The following STPG1 variants were observed in gnomAD, a reference collection of about 807,000 sequenced individuals.
STPG1 encodes sperm tail PG-rich repeat containing 1.
STPG1 carries 33 observed loss-of-function variants against 40.1 expected under a neutral mutation model. The observed-to-expected ratio is 0.82, with a 90% CI of 0.62 to 1.10. STPG1 has a LOEUF of 1.10. STPG1 is among the 50% of genes least tolerant of loss of function. The pLI is 0.00. For missense variants in STPG1, 396 were observed against 415.1 expected, an observed-to-expected ratio of 0.95 and a Z score of 0.40; for synonymous variants, 150 against 155.0, an observed-to-expected ratio of 0.97 and a Z score of 0.24.
chr1:24,404,136 C>T (rs1643330470), intron 1 of STPG1, among the ~76,000 whole-genome samples: 1 of 152,064 alleles, frequency 6.6e-6, no homozygotes, highest in Non-Finnish European at 1.5e-5. Context: ...GAGTTTTTAA[C>T]AGGAACAGGT....
intron 1 of STPG1, among the ~76,000 whole-genome samples, chr1:24,401,838 G>C (rs2148712638): frequency 6.6e-6 from 1 of 152,208 alleles, no homozygotes; most frequent in South Asian, 2.1e-4. Flanking sequence ...TGGGATTACA[G>C]GCGCCCACCA....
chr1:24,387,271 T>C (rs1014296370), intron 3 of STPG1, among the ~76,000 whole-genome samples: 1 of 152,142 alleles, frequency 6.6e-6, no homozygotes, highest in Admixed American at 6.5e-5. Context: ...AGGAAGGAGA[T>C]GTATCACAAC....
rs890677007 is a variant in STPG1 at position 24,391,557 on chromosome 1, T to C, written c.189+4A>G. The C allele has an allele frequency of 6.7e-7, 1 of 1,501,276 alleles. No homozygotes were observed. Among genetic ancestry groups the C allele is most frequent in the Non-Finnish European group, 9.1e-7 (1 of 1,102,870 alleles). 93.0% of individuals were successfully genotyped at this position (1,501,276 alleles called of 1,614,324 possible). A position where few individuals can be genotyped will look rare whatever the true frequency, so the allele number is the denominator to read the frequency against. On this transcript the variant is annotated splice_donor_region_variant and intron_variant, in intron 3 of 8. Coordinates refer to ENST00000337248, the MANE Select transcript of STPG1 (RefSeq NM_001199013.2). ...CGAAAGAACCCCTGAGACAACGTCA[T>C]TACCTTCTTATGAGGAAATCTCTTG... is the stretch of plus-strand genomic sequence containing the variant.
At chr1:24,394,442 T>G (rs1642907856) in intron 2 of STPG1, among the ~76,000 whole-genome samples, 1 of 152,056 alleles carries the variant, frequency 6.6e-6, no homozygotes, top group African/African-American at 2.4e-5. Flanking sequence ...CTGGCATTGA[T>G]AAAAAATTAA....
At chr1:24,374,190 T>C (rs1238634690) in intron 5 of STPG1, among the ~76,000 whole-genome samples, 1 of 149,222 alleles carries the variant, frequency 6.7e-6, no homozygotes, top group Non-Finnish European at 1.5e-5. Flanking sequence ...CCACTTGCTG[T>C]GGAGTTCTGT....
Position 24,409,363 on chromosome 1 carries a change from A to T in STPG1, c.-69+4311T>A, listed in dbSNP as rs1446845405. ...TGACAAAGTGAGACCCTGTCTCAAA[A>T]AATAACCAAAGCAGCCACTATTCAT... On this transcript the variant is annotated intron_variant, in intron 1 of 8. Transcript: ENST00000337248. Among the ~76,000 whole-genome samples the T allele has an allele frequency of 3.3e-5, 5 of 152,312 alleles. No individual in the cohort carries two copies. In the East Asian group the frequency reaches 9.6e-4, roughly 29 times the overall value.
intron 5 of STPG1, among the ~76,000 whole-genome samples, chr1:24,374,246 TTTTTTTTTTTG>T (rs1303093811): frequency 2.9e-4 from 24 of 82,564 alleles, no homozygotes; most frequent in African/African-American, 1.5e-3. Context: ...AGGAAAGTGT[TTTTTTTTTTTG>T]TTTTTTTTTT....
At chr1:24,364,643 C>A (rs1641337714) in intron 7 of STPG1, among the ~76,000 whole-genome samples, 1 of 152,174 alleles carries the variant, frequency 6.6e-6, no homozygotes, top group South Asian at 2.1e-4. Context: ...ATCTGAGGCC[C>A]ACATGACAGT....
chr1:24,384,174 G>C (rs756204232), intron 3 of STPG1, among the ~76,000 whole-genome samples, 171 bp from the exon 4 acceptor site: 1 of 152,202 alleles, frequency 6.6e-6, no homozygotes, highest in African/African-American at 2.4e-5. Flanking sequence ...CCCGATCTTC[G>C]TCTCAGTTAC....
chr1:24,394,136 T>C (rs948621605), intron 2 of STPG1, among the ~76,000 whole-genome samples: 4 of 152,152 alleles, frequency 2.6e-5, no homozygotes, highest in Non-Finnish European at 4.4e-5. Context: ...CTGGCAGAAT[T>C]CAAGTGAGCA....
Position 24,379,791 on chromosome 1 carries a change from G to T in STPG1, c.324C>A (p.Tyr108Ter), listed in dbSNP as rs1271414615. ...CARLDTIISK[Y>*]PAANAYTIPS... Reference sequence around the variant, plus strand: ...GGATAGTGTATGCATTCGCTGCAGGGTATTTAGAAATGATGGTGTCCAATC... The same window carrying T: ...GGATAGTGTATGCATTCGCTGCAGGTTATTTAGAAATGATGGTGTCCAATC... The change falls in exon 5 of 9, where the codon TAC becomes TAA. Residue 108 changes from tyrosine to a stop codon, truncating the protein, a stop_gained. Transcript: ENST00000337248. LOFTEE classifies it high-confidence loss of function. 1.7e-5 allele frequency: 27 copies of T among 1,614,124 alleles called. No individual in the cohort carries two copies. Among genetic ancestry groups the T allele is most frequent in the Non-Finnish European group, 2.3e-5 (27 of 1,179,962 alleles).
chr1:24,378,133 C>T (rs143960448), intron 5 of STPG1, among the ~76,000 whole-genome samples: 5 of 152,254 alleles, frequency 3.3e-5, no homozygotes, highest in African/African-American at 9.6e-5. Context: ...GGAAACGTGG[C>T]TGGCCCAAAT....
At chr1:24,367,499 C>G (rs1641530779) in intron 7 of STPG1, among the ~76,000 whole-genome samples, 1 of 152,106 alleles carries the variant, frequency 6.6e-6, no homozygotes, top group South Asian at 2.1e-4. Context: ...ATAACCACAG[C>G]TATCATTATA....
At chr1:24,382,667 C>T (rs534576939) in intron 4 of STPG1, among the ~76,000 whole-genome samples, 8 of 152,128 alleles carry the variant, frequency 5.3e-5, no homozygotes, top group Non-Finnish European at 1.0e-4. Context: ...TCAGCTTCTT[C>T]GGTAATGGGG....
At chr1:24,390,465 C>A (rs775336120) in intron 3 of STPG1, among the ~76,000 whole-genome samples, 3 of 152,134 alleles carry the variant, frequency 2.0e-5, no homozygotes, top group Non-Finnish European at 4.4e-5. Context: ...GTCGCCCAGG[C>A]TGAAGTCCAG....
rs762750399 is a variant in STPG1, at chr1:24,376,456, G to GAACAAAATGAACAAAATATGA, written c.463-2647_463-2646insTCATATTTTGTTCATTTTGTT. ...TGTATTATTTTCAGGGTCATATTAA[G>GAACAAAATGAACAAAATATGA]ACAATAATGAACAAAAAACATGCGC... On this transcript the variant is annotated intron_variant, in intron 5 of 8. Transcript: ENST00000337248. Among the ~76,000 whole-genome samples the GAACAAAATGAACAAAATATGA allele has an allele frequency of 2.5e-3, 374 of 152,272 alleles. 1 individual carries two copies. Among genetic ancestry groups the GAACAAAATGAACAAAATATGA allele is most frequent in the Non-Finnish European group, 4.5e-3 (307 of 68,020 alleles).
intron 1 of STPG1, among the ~76,000 whole-genome samples, chr1:24,404,860 T>C (rs984760024): frequency 1.3e-5 from 2 of 152,240 alleles, no homozygotes; most frequent in African/African-American, 4.8e-5. Context: ...TGTGGTTTTA[T>C]TGATATTTCT....
At chr1:24,393,921 C>A (rs1259960875) in intron 2 of STPG1, among the ~76,000 whole-genome samples, 1 of 152,126 alleles carries the variant, frequency 6.6e-6, no homozygotes, top group South Asian at 2.1e-4. Context: ...CCAGATGGAG[C>A]CCCGTGGTCT....
chr1:24,371,109 G>A (rs754860531), intron 6 of STPG1, among the ~76,000 whole-genome samples: 8 of 152,164 alleles, frequency 5.3e-5, no homozygotes, highest in Non-Finnish European at 1.2e-4. Flanking sequence ...TCACCCCTAA[G>A]TTGTCAGTAG....
Sources: allele counts gnomAD v4.1 joint callset (sites outside exome capture counted in the v4.1 genomes callset), GRCh38; gene constraint gnomAD v4.1.1; transcripts MANE v1.5; gene names NCBI Gene and HGNC (gene_info 2026-07-23, HGNC 2026-07-21).